The following KCNT2 variants were observed in gnomAD, a reference collection of about 807,000 sequenced individuals.
The protein encoded by KCNT2 is potassium sodium-activated channel subfamily T member 2, also known as potassium channel subfamily T member 2.
Under a neutral mutation model 153.8 loss-of-function variants are expected in KCNT2, and 67 were observed. The ratio of observed to expected loss-of-function variants is 0.44; its 90% CI spans 0.36 to 0.53. The LOEUF (loss-of-function observed/expected upper bound fraction) is 0.53, where lower values mean the gene tolerates loss of function less well. KCNT2 is among the 20% of genes least tolerant of loss of function. The probability of loss-of-function intolerance (pLI) is 0.00; values close to 1 mark genes in which losing one functional copy is unlikely to be tolerated. For synonymous variants in KCNT2, 500 were observed against 458.8 expected (o/e 1.09, Z -1.15); for missense variants, 975 against 1,354.8 (o/e 0.72, Z 4.40).
In KCNT2 at chr1:196,227,309, G is replaced by A. The variant is rs1471475919; in HGVS notation, c.*915C>T. On this transcript the variant is annotated 3_prime_UTR_variant, in exon 28 of 28. Transcript: ENST00000294725. ...TGTCAATTTTAAAAGAATTTTTCTA[G>A]TGAAATTTACTATATAGATATATGA... 1.3e-5 allele frequency: 2 copies of A among 152,008 alleles called. No individual in the cohort carries two copies. The highest frequency in any genetic ancestry group is 3.5e-3 in the Middle Eastern group (1 of 288). 9.4% of individuals were successfully genotyped at this position (152,008 alleles called of 1,614,324 possible).
intron 22 of KCNT2, 33 bp downstream of exon 22, chr1:196,305,201 A>G (rs748063497): frequency 1.6e-6 from 2 of 1,213,998 alleles, no homozygotes; most frequent in South Asian, 2.4e-5. Context: ...AAAGATGGTT[A>G]AATCTAATTT....
intron 1 of KCNT2, among the ~76,000 whole-genome samples, chr1:196,527,299 G>A (rs1654366435): frequency 6.6e-6 from 1 of 152,112 alleles, no homozygotes. Flanking sequence ...ACTTATGAGA[G>A]CTATTAATAA....
At chr1:196,377,463 A>G (rs543535983) in intron 13 of KCNT2, among the ~76,000 whole-genome samples, 1 of 152,142 alleles carries the variant, frequency 6.6e-6, no homozygotes, top group Admixed American at 6.6e-5. Context: ...AAATACATCA[A>G]TAACAGTAAC....
chr1:196,416,626 T>C (rs1672775309), intron 12 of KCNT2, among the ~76,000 whole-genome samples: 1 of 152,058 alleles, frequency 6.6e-6, no homozygotes. Context: ...CTACCTGTTT[T>C]ATGAAGCTTC....
intron 27 of KCNT2, among the ~76,000 whole-genome samples, chr1:196,233,859 C>A (rs1268857585): frequency 6.6e-6 from 1 of 151,300 alleles, no homozygotes; most frequent in East Asian, 1.9e-4. Flanking sequence ...AATAATTGAT[C>A]TCATGGAGAT....
At chr1:196,426,706 A>G (rs2148532536) in intron 10 of KCNT2, among the ~76,000 whole-genome samples, 1 of 151,864 alleles carries the variant, frequency 6.6e-6, no homozygotes, top group East Asian at 1.9e-4. Context: ...GATACTAGAT[A>G]AAGTTAATGA....
At chr1:196,472,901 C>A (rs1463625612) in intron 5 of KCNT2, among the ~76,000 whole-genome samples, 1 of 152,132 alleles carries the variant, frequency 6.6e-6, no homozygotes, top group Admixed American at 6.5e-5. Context: ...TATTACCAAT[C>A]CCCTGCACCT....
At chr1:196,334,141 TATA>T (rs1369524646) in intron 16 of KCNT2, 81 bp from the exon 17 acceptor site, 17 of 777,070 alleles carry the variant, frequency 2.2e-5, no homozygotes, top group Non-Finnish European at 3.7e-5. Flanking sequence ...AAATATGAAA[TATA>T]ATAAACACAA....
chr1:196,487,675 G>A (rs1557998874), intron 3 of KCNT2, among the ~76,000 whole-genome samples: 1 of 151,960 alleles, frequency 6.6e-6, no homozygotes, highest in Admixed American at 6.6e-5. Flanking sequence ...ATATTTAAGA[G>A]CTATTGTAAA....
At chr1:196,410,453 A>G (rs1325391280) in intron 12 of KCNT2, among the ~76,000 whole-genome samples, 1 of 151,402 alleles carries the variant, frequency 6.6e-6, no homozygotes, top group Non-Finnish European at 1.5e-5. Context: ...GCATTAGGAG[A>G]TATACCTAAT....
intron 1 of KCNT2, among the ~76,000 whole-genome samples, chr1:196,540,784 AG>A (rs1469662817): frequency 2.6e-5 from 4 of 152,182 alleles, no homozygotes; most frequent in Non-Finnish European, 5.9e-5. Context: ...ATATCTATTT[AG>A]GCCAGGCGCT....
chr1:196,396,159 T>G (rs1670920212), intron 13 of KCNT2, among the ~76,000 whole-genome samples: 1 of 151,596 alleles, frequency 6.6e-6, no homozygotes. Context: ...AGCCTCACTT[T>G]CCAAGTGATT....
chr1:196,372,378 G>A (rs1368606593), intron 14 of KCNT2, among the ~76,000 whole-genome samples: 2 of 151,694 alleles, frequency 1.3e-5, no homozygotes, highest in Non-Finnish European at 2.9e-5. Context: ...ATAACCACTA[G>A]CATAAGTGGA....
intron 1 of KCNT2, among the ~76,000 whole-genome samples, chr1:196,558,181 AT>A (rs1457758124): frequency 6.6e-5 from 10 of 151,502 alleles, no homozygotes; most frequent in Admixed American, 6.6e-5. Context: ...AACAAAAAAA[AT>A]CTTCAGTAGA....
intron 13 of KCNT2, among the ~76,000 whole-genome samples, chr1:196,385,305 T>C (rs1177854716): frequency 1.3e-5 from 2 of 152,154 alleles, no homozygotes; most frequent in African/African-American, 2.4e-5. Flanking sequence ...CTGTACAGCA[T>C]ACCACTGTAC....
chr1:196,566,140 A>G (rs1359597990), intron 1 of KCNT2, among the ~76,000 whole-genome samples: 3 of 152,040 alleles, frequency 2.0e-5, no homozygotes, highest in Non-Finnish European at 2.9e-5. Context: ...GAAGGAAAAG[A>G]CTACTTGAGA....
rs1256165838 is a variant in KCNT2, at chr1:196,593,311, T to TATATATATAC, written c.95+14903_95+14904insGTATATATAT. On this transcript the variant is annotated intron_variant, in intron 1 of 27. Transcript: ENST00000294725. Reference sequence around the variant, plus strand: ...CATATATATAATATATATATATATATACACACACACACACACACACACACA... The same window carrying TATATATATAC: ...CATATATATAATATATATATATATATATATATATACACACACACACACACACACACACACA... 1.1e-3 allele frequency among the ~76,000 whole-genome samples: 153 copies of TATATATATAC among 140,198 alleles called. 1 individual carries two copies. The highest frequency in any genetic ancestry group is 4.1e-3 in the African/African-American group (145 of 35,732). 92.0% of individuals were successfully genotyped at this position (140,198 alleles called of 152,430 possible).
At position 196,315,741 on chromosome 1, in the gene KCNT2, A is replaced by T; in HGVS notation, c.2483+151T>A. The stretch of plus-strand genomic sequence containing the variant: ...AATTTAACTTTATGCAGTGCCAGTC[A>T]TGCTCAATAAACATTTACTTTATGA... On this transcript the variant is annotated intron_variant, in intron 21 of 27. Coordinates refer to ENST00000294725, the MANE Select transcript of KCNT2 (RefSeq NM_198503.5). The T allele has an allele frequency of 7.5e-6, 5 of 662,846 alleles. No individual in the cohort carries two copies. The South Asian group carries it at 1.2e-4, about 16-fold the overall frequency. The allele number at this position is 662,846 out of a possible 1,614,324, so 41.1% of individuals were successfully genotyped here. A position where few individuals can be genotyped will look rare whatever the true frequency, so the allele number is the denominator to read the frequency against.
intron 1 of KCNT2, among the ~76,000 whole-genome samples, chr1:196,584,899 T>C (rs1405573753): frequency 1.3e-5 from 2 of 151,880 alleles, no homozygotes; most frequent in East Asian, 3.9e-4. Context: ...ATTTTGTTTG[T>C]TTGTTTGGGG....
Sources: allele counts gnomAD v4.1 joint callset (sites outside exome capture counted in the v4.1 genomes callset), GRCh38; gene constraint gnomAD v4.1.1; transcripts MANE v1.5; gene names NCBI Gene and HGNC (gene_info 2026-07-23, HGNC 2026-07-21).